Variants in EDAR observed in about 807,000 individuals in gnomAD.
EDAR encodes ectodysplasin A receptor, also known as tumor necrosis factor receptor superfamily member EDAR.
Under a neutral mutation model 51.3 loss-of-function variants are expected in EDAR, and 38 were observed. That is an observed-to-expected ratio of 0.74 (90% CI 0.57 to 0.97). EDAR has a LOEUF of 0.97. Ranked by LOEUF, EDAR falls within the 50% of genes least tolerant of loss-of-function variation. EDAR has a pLI of 0.00. For missense variants in EDAR, 528 were observed against 595.0 expected (o/e 0.89, Z 1.17); for synonymous variants, 227 against 242.1 (o/e 0.94, Z 0.58).
intron 1 of EDAR, among the ~76,000 whole-genome samples, chr2:108,962,329 A>G (rs563428833): frequency 6.6e-6 from 1 of 152,336 alleles, no homozygotes; most frequent in Admixed American, 6.5e-5. Flanking sequence ...ATGGAGGATT[A>G]AAGAGTTTGG....
chr2:108,954,548 TAGTC>T (rs1160380034), intron 1 of EDAR, among the ~76,000 whole-genome samples: 1 of 152,164 alleles, frequency 6.6e-6, no homozygotes, highest in Non-Finnish European at 1.5e-5. Flanking sequence ...CTTTTCATCT[TAGTC>T]AACGCTCATC....
chr2:108,967,981 C>T (rs372871980), intron 1 of EDAR, among the ~76,000 whole-genome samples: 2 of 152,160 alleles, frequency 1.3e-5, no homozygotes, highest in African/African-American at 4.8e-5. Flanking sequence ...AGCTCATGCA[C>T]ACAGAACAGG....
intron 10 of EDAR, 84 bp downstream of exon 10, chr2:108,907,776 G>A: frequency 6.6e-7 from 1 of 1,519,256 alleles, no homozygotes; most frequent in East Asian, 2.3e-5. Context: ...TTGCAGGAGA[G>A]CTGATTCAAT....
chr2:108,932,215 G>A (rs532936417), intron 1 of EDAR, among the ~76,000 whole-genome samples: 1 of 152,184 alleles, frequency 6.6e-6, no homozygotes, highest in African/African-American at 2.4e-5. Context: ...AGAAATTAGC[G>A]AAAGATTATT....
rs1386215136 is a variant in EDAR at position 108,910,936 on chromosome 2, G to A, written c.655+11C>T. On this transcript the variant is annotated intron_variant, in intron 7 of 11. Transcript: ENST00000258443. ...CCAGGAAGCAGGGCACCGGCGCATG[G>A]GGGCCGTCACCTGGGGCAGAGGGCT... 2 of 1,614,000 alleles carry A rather than the reference G, an allele frequency of 1.2e-6. No homozygotes were observed. Among genetic ancestry groups the A allele is most frequent in the Admixed American group, 1.7e-5 (1 of 60,000 alleles).
At chr2:108,975,188 C>T (rs1317633388) in intron 1 of EDAR, among the ~76,000 whole-genome samples, 2 of 152,182 alleles carry the variant, frequency 1.3e-5, no homozygotes, top group African/African-American at 4.8e-5. Context: ...GAGCTGCAGT[C>T]CAGCCTGTGT....
chr2:108,959,802 C>T (rs1698003551), intron 1 of EDAR, among the ~76,000 whole-genome samples: 1 of 152,216 alleles, frequency 6.6e-6, no homozygotes, highest in Admixed American at 6.5e-5. Context: ...GATATGTCTT[C>T]TGAGACACCA....
At chr2:108,932,979 C>A (rs1697400385) in intron 1 of EDAR, among the ~76,000 whole-genome samples, 1 of 152,190 alleles carries the variant, frequency 6.6e-6, no homozygotes, top group African/African-American at 2.4e-5. Context: ...CATGCCCTCG[C>A]TCCCGTAGGA....
In EDAR at chr2:108,954,744, C is replaced by T. The variant is rs867866992; in HGVS notation, c.-18-23712G>A. 3.2e-4 allele frequency among the ~76,000 whole-genome samples: 48 copies of T among 151,712 alleles called. 1 individual carries two copies. The highest frequency in any genetic ancestry group is 9.9e-4 in the African/African-American group (41 of 41,322). ...AGGCTGGAGTGCAATGGCGTGATCTCGGCTCACTGCAACCTCCACCTCCCA... is the reference window on the plus strand; with the variant it reads ...AGGCTGGAGTGCAATGGCGTGATCTTGGCTCACTGCAACCTCCACCTCCCA... On this transcript the variant is annotated intron_variant, in intron 1 of 11. Transcript: ENST00000258443.
At chr2:108,925,412 C>T (rs1323893977) in intron 4 of EDAR, among the ~76,000 whole-genome samples, 3 of 152,334 alleles carry the variant, frequency 2.0e-5, no homozygotes, top group South Asian at 4.1e-4. Context: ...GCACAACACC[C>T]GGCTTTATGA....
chr2:108,955,852 C>T (rs1042506449), intron 1 of EDAR, among the ~76,000 whole-genome samples: 6 of 152,056 alleles, frequency 3.9e-5, no homozygotes, highest in Non-Finnish European at 8.8e-5. Flanking sequence ...CGGCGAAATA[C>T]TGTCTGTACT....
chr2:108,930,314 G>A, intron 2 of EDAR, 72 bp from the exon 3 acceptor site: 1 of 1,603,938 alleles, frequency 6.2e-7, no homozygotes, highest in South Asian at 1.1e-5. Context: ...AAGACCCCAA[G>A]GTTGACATAG....
At chr2:108,954,682 T>TC (rs1412889013) in intron 1 of EDAR, among the ~76,000 whole-genome samples, 1 of 151,982 alleles carries the variant, frequency 6.6e-6, no homozygotes, top group East Asian at 1.9e-4. Context: ...GATAATCTTT[T>TC]TTTTTTTTTC....
intron 4 of EDAR, among the ~76,000 whole-genome samples, chr2:108,925,456 T>C (rs920853042): frequency 5.9e-5 from 9 of 152,158 alleles, no homozygotes; most frequent in African/African-American, 2.2e-4. Flanking sequence ...ATTTTGAGCA[T>C]GGGGAGGGTG....
intron 1 of EDAR, among the ~76,000 whole-genome samples, chr2:108,961,973 C>T (rs150460052): frequency 5.9e-5 from 9 of 152,330 alleles, no homozygotes; most frequent in African/African-American, 1.4e-4. Context: ...AGAGGGGAAG[C>T]GCAGCTGTAA....
intron 2 of EDAR, among the ~76,000 whole-genome samples, chr2:108,930,704 T>C (rs546606239): frequency 1.5e-3 from 228 of 152,212 alleles, no homozygotes; most frequent in African/African-American, 5.2e-3. Context: ...CAGGGCTGTG[T>C]GTATCACACC....
chr2:108,917,371 A>T (rs1697047273), intron 5 of EDAR, among the ~76,000 whole-genome samples: 1 of 152,120 alleles, frequency 6.6e-6, no homozygotes, highest in Non-Finnish European at 1.5e-5. Context: ...AGCGGACAAT[A>T]ATGCATTGTA....
chr2:108,952,796 G>A (rs1026294915), intron 1 of EDAR, among the ~76,000 whole-genome samples: 9 of 152,234 alleles, frequency 5.9e-5, no homozygotes, highest in Admixed American at 2.0e-4. Context: ...GCCAGACATC[G>A]TAATGATATG....
chr2:108,942,700 C>T (rs1383956859), intron 1 of EDAR, among the ~76,000 whole-genome samples: 3 of 152,276 alleles, frequency 2.0e-5, no homozygotes, highest in African/African-American at 7.2e-5. Flanking sequence ...TTCCTGTTCC[C>T]GCCTCTCCTT....
Sources: gnomAD v4.1 joint callset for allele counts (sites outside exome capture counted in the v4.1 genomes callset) on GRCh38, gnomAD v4.1.1 for gene constraint, MANE v1.5 for transcripts, NCBI Gene and HGNC (gene_info 2026-07-23, HGNC 2026-07-21) for gene names.